The following PDCD4 variants were observed in gnomAD, a reference collection of about 807,000 sequenced individuals.
The protein encoded by PDCD4 is programmed cell death 4.
A neutral mutation model predicts 54.0 loss-of-function variants in PDCD4; 56 were observed. The ratio of observed to expected loss-of-function variants is 1.04; its 90% CI spans 0.84 to 1.30. The LOEUF is 1.30. Ranked by LOEUF, PDCD4 falls within the 50% of genes most tolerant of loss-of-function variation. The pLI is 0.00. For missense variants in PDCD4, 584 were observed against 559.8 expected, an observed-to-expected ratio of 1.04 and a Z score of -0.44; for synonymous variants, 186 against 194.8, an observed-to-expected ratio of 0.95 and a Z score of 0.37.
intron 1 of PDCD4, among the ~76,000 whole-genome samples, chr10:110,872,683 C>T (rs1590723416): frequency 6.6e-6 from 1 of 152,222 alleles, no homozygotes; most frequent in South Asian, 2.1e-4. Context: ...GCCCGCCGCC[C>T]CATCCCTGCG....
In PDCD4 at chr10:110,887,707, G is replaced by C; in HGVS notation, c.598G>C (p.Val200Leu). The C allele has an allele frequency of 6.2e-7, 1 of 1,613,070 alleles. No homozygotes were observed. Among genetic ancestry groups the C allele is most frequent in the Non-Finnish European group, 8.5e-7 (1 of 1,179,140 alleles). The change falls in exon 6 of 12, where the codon GTA (valine) becomes CTA (leucine). Residue 200 changes from valine to leucine, a missense_variant. Physicochemically the swap from Val to Leu is conservative, Grantham distance 32. Coordinates refer to ENST00000280154, the MANE Select transcript of PDCD4 (RefSeq NM_014456.5). The stretch of plus-strand genomic sequence containing the variant: ...AAATCTTGGTGAAATGAAAAGTGGA[G>C]TACCAGTGTTGGCAGTATCCTTAGC... ...DLNLGEMKSG[V>L]PVLAVSLALE...
At chr10:110,872,567 G>A (rs1478581762) in intron 1 of PDCD4, among the ~76,000 whole-genome samples, 1 of 152,202 alleles carries the variant, frequency 6.6e-6, no homozygotes, top group Non-Finnish European at 1.5e-5. Flanking sequence ...ACCCGGGCTG[G>A]GACTTCGGGG....
intron 8 of PDCD4, among the ~76,000 whole-genome samples, chr10:110,892,581 G>A (rs1845772034): frequency 1.3e-5 from 2 of 152,166 alleles, no homozygotes; most frequent in Non-Finnish European, 2.9e-5. Context: ...TGAATAACAA[G>A]TACAGTCACG....
Position 110,894,154 on chromosome 10 carries a change from A to G in PDCD4, c.1054A>G (p.Lys352Glu). ...GDISEAEHCL[K>E]ELEVPHFHHE... Reference sequence around the variant, plus strand: ...CATATCTGAAGCTGAACATTGCCTTAAGGAACTGGAAGTACCTCATTTTCA... The same window carrying G: ...CATATCTGAAGCTGAACATTGCCTTGAGGAACTGGAAGTACCTCATTTTCA... Residue 352 changes from lysine to glutamate, a missense_variant, in exon 9 of 12, where the codon AAG becomes GAG. Transcript: ENST00000280154. The G allele has an allele frequency of 6.2e-7, 1 of 1,607,680 alleles. No homozygotes were observed. Among genetic ancestry groups the G allele is most frequent in the Non-Finnish European group, 8.5e-7 (1 of 1,174,366 alleles).
At chr10:110,885,185 G>T in intron 4 of PDCD4, 68 bp from the exon 5 acceptor site, 2 of 738,046 alleles carry the variant, frequency 2.7e-6, no homozygotes, top group East Asian at 2.6e-5. Context: ...ATATAAAATT[G>T]TACAACAATT....
At chr10:110,885,148 C>T in intron 4 of PDCD4, 105 bp from the exon 5 acceptor site, 2 of 614,920 alleles carry the variant, frequency 3.3e-6, no homozygotes, top group Non-Finnish European at 2.9e-6. Context: ...TTGTCTTGTG[C>T]TAAGTGGGGA....
In PDCD4 at chr10:110,890,567, A is replaced by T; in HGVS notation, c.887A>T (p.Asp296Val). The T allele has an allele frequency of 6.2e-7, 1 of 1,610,630 alleles. No homozygotes were observed. Among genetic ancestry groups the T allele is most frequent in the Non-Finnish European group, 8.5e-7 (1 of 1,177,546 alleles). Residue 296 changes from aspartate to valine, a missense_variant, in exon 8 of 12, where the codon GAT becomes GTT. Physicochemically the swap from Asp to Val is radical, Grantham distance 152. Coordinates refer to ENST00000280154, the MANE Select transcript of PDCD4 (RefSeq NM_014456.5). The part of the protein sequence containing the change: ...VDCVQARAAL[D>V]KATVLLSMSK... ...TTCTTTCTCTGTAGAGCTGCTCTGG[A>T]TAAGGCTACCGTGCTTCTGAGTATG...
In PDCD4 at chr10:110,898,201, G is replaced by A. The variant is rs556498033; in HGVS notation, c.*113G>A. The A allele has an allele frequency of 2.5e-5, 12 of 480,926 alleles. No individual in the cohort carries two copies. The highest frequency in any genetic ancestry group is 2.3e-4 in the African/African-American group (11 of 48,840). 29.8% of individuals were successfully genotyped at this position (480,926 alleles called of 1,614,324 possible). On this transcript the variant is annotated 3_prime_UTR_variant, in exon 12 of 12. Coordinates refer to ENST00000280154, the MANE Select transcript of PDCD4 (RefSeq NM_014456.5). ...TTTAAGCACTTGTTTTGGGTACAAG[G>A]CATTTCTGACATTTTATAAACCTAC... is the stretch of plus-strand genomic sequence containing the variant.
At chr10:110,872,720 C>T (rs1028759976) in intron 1 of PDCD4, among the ~76,000 whole-genome samples, 1 of 152,240 alleles carries the variant, frequency 6.6e-6, no homozygotes, top group African/African-American at 2.4e-5. Context: ...CGTCTTCCGG[C>T]AAAGGGTCTC....
Position 110,893,306 on chromosome 10 carries a change from T to C in PDCD4, c.991-785T>C, listed in dbSNP as rs1199503931. Among the ~76,000 whole-genome samples the C allele has an allele frequency of 3.3e-5, 5 of 151,838 alleles. No individual in the cohort carries two copies. The East Asian group carries it at 9.6e-4, about 29-fold the overall frequency. Reference sequence around the variant, plus strand: ...GACAGCAATTAAATTTTACTTTACCTTTTATGAAAATATCTTATAGAAGTT... The same window carrying C: ...GACAGCAATTAAATTTTACTTTACCCTTTATGAAAATATCTTATAGAAGTT... On this transcript the variant is annotated intron_variant, in intron 8 of 11. Transcript: ENST00000280154.
chr10:110,894,256 C>A, intron 9 of PDCD4, 58 bp downstream of exon 9: 1 of 1,017,200 alleles, frequency 9.8e-7, no homozygotes, highest in Non-Finnish European at 1.5e-6. Context: ...TGTACTGTAG[C>A]GACTTATGCT....
intron 3 of PDCD4, among the ~76,000 whole-genome samples, chr10:110,882,655 T>G (rs1332081997): frequency 2.0e-5 from 3 of 152,222 alleles, no homozygotes; most frequent in Non-Finnish European, 1.5e-5. Context: ...TGTTTCTTTT[T>G]GTCTTAGTCT....
chr10:110,890,075 A>C (rs1845732571), intron 7 of PDCD4, among the ~76,000 whole-genome samples: 3 of 152,250 alleles, frequency 2.0e-5, no homozygotes, highest in South Asian at 4.1e-4. Context: ...CTTGTGATTT[A>C]GTATAATTAA....
rs747489510 is a variant in PDCD4, at chr10:110,881,382, A to G, written c.193A>G (p.Lys65Glu). 1 of 1,614,204 alleles carries G rather than the reference A, an allele frequency of 6.2e-7. No homozygotes were observed. The highest frequency in any genetic ancestry group is 8.5e-7 in the Non-Finnish European group (1 of 1,180,032). ...INAKAKRRLR[K>E]NSSRDSGRGD... ...TGCCAAGGCAAAAAGGCGACTAAGG[A>G]AAAACTCATCCCGGGACTCTGGCAG... Residue 65 changes from lysine to glutamate, a missense_variant, in exon 3 of 12, where the codon AAA (lysine) becomes GAA (glutamate). Lys to Glu is a moderately conservative substitution (Grantham distance 56, BLOSUM62 1). Coordinates refer to ENST00000280154, the MANE Select transcript of PDCD4 (RefSeq NM_014456.5).
intron 8 of PDCD4, among the ~76,000 whole-genome samples, chr10:110,892,587 T>G (rs945903342): frequency 7.9e-5 from 12 of 152,178 alleles, no homozygotes; most frequent in African/African-American, 2.7e-4. Context: ...ACAAGTACAG[T>G]CACGTGCCAC....
At position 110,889,650 on chromosome 10, in the gene PDCD4, T is replaced by G. The variant is rs761731649; in HGVS notation, c.875+20T>G. The G allele has an allele frequency of 2.2e-6, 3 of 1,375,222 alleles. No homozygotes were observed. The highest frequency in any genetic ancestry group is 2.0e-6 in the Non-Finnish European group (2 of 975,966). The allele number at this position is 1,375,222 out of a possible 1,614,324, so 85.2% of individuals were successfully genotyped here. ...GGCTAGGTAAGTAAATCACTTTTCC[T>G]ACTTAGAATTTCAAAATAGGGGAAA... On this transcript the variant is annotated intron_variant, in intron 7 of 11. Transcript: ENST00000280154.
chr10:110,881,353 T>C lies in PDCD4; in HGVS notation c.164T>C (p.Ile55Thr), dbSNP rs747779859. ...GCATCCTCCATTAACGAAGCTAGAA[T>C]TAATGCCAAGGCAAAAAGGCGACTA... ...ISASSINEARINAKAKRRLRK... is the reference protein window; with the variant it reads ...ISASSINEARTNAKAKRRLRK... The change falls in exon 3 of 12, where the codon ATT (isoleucine) becomes ACT (threonine). Residue 55 changes from isoleucine to threonine, a missense_variant. Coordinates refer to ENST00000280154, the MANE Select transcript of PDCD4 (RefSeq NM_014456.5). The C allele has an allele frequency of 1.9e-6, 3 of 1,614,186 alleles. No individual in the cohort carries two copies. In the South Asian group the frequency reaches 3.3e-5, roughly 18 times the overall value.
Position 110,896,032 on chromosome 10 carries a change from G to T in PDCD4, c.1294G>T (p.Glu432Ter). The change falls in exon 11 of 12, where the codon GAA becomes TAA. Residue 432 changes from glutamate to a stop codon, truncating the protein, a stop_gained. Transcript: ENST00000280154. LOFTEE classifies it high-confidence loss of function. ...CTCTGTGCTGGAGCGGTTTGTAGAA[G>T]AATGTTTTCAGGCTGGAATAATTTC... ...SYSVLERFVE[E>*]CFQAGIISKQ... is the part of the protein sequence containing the mutation. 2 of 1,611,542 alleles carry T rather than the reference G, an allele frequency of 1.2e-6. No homozygotes were observed. The highest frequency in any genetic ancestry group is 1.7e-6 in the Non-Finnish European group (2 of 1,178,342).
intron 8 of PDCD4, among the ~76,000 whole-genome samples, chr10:110,893,621 T>G (rs1037271561): frequency 2.6e-4 from 39 of 152,022 alleles, no homozygotes; most frequent in Non-Finnish European, 4.6e-4. Context: ...AGAAACTATG[T>G]GGAAATCTTT....
Sources: gnomAD v4.1 joint callset for allele counts (sites outside exome capture counted in the v4.1 genomes callset) on GRCh38, gnomAD v4.1.1 for gene constraint, MANE v1.5 for transcripts, NCBI Gene and HGNC (gene_info 2026-07-23, HGNC 2026-07-21) for gene names.